The following ZNF729 variants were observed in gnomAD, a reference collection of about 807,000 sequenced individuals.
ZNF729 encodes zinc finger protein 729.
ZNF729 carries 15 observed loss-of-function variants against 12.2 expected under a neutral mutation model. The ratio of observed to expected loss-of-function variants is 1.23; its 90% confidence interval spans 0.82 to 1.89. The LOEUF (loss-of-function observed/expected upper bound fraction) is 1.89. Ranked by LOEUF, ZNF729 falls within the 40% of genes most tolerant of loss-of-function variation. ZNF729 has a pLI of 0.00. For synonymous variants in ZNF729, 492 were observed against 476.3 expected (o/e 1.03, Z -0.43); for missense variants, 1,540 against 1,456.7 (o/e 1.06, Z -0.93).
chr19:22,314,148 C>G lies in ZNF729; in HGVS notation c.731C>G (p.Ala244Gly). The G allele has an allele frequency of 6.4e-7, 1 of 1,560,714 alleles. No homozygotes were observed. Residue 244 changes from alanine to glycine, a missense_variant, in exon 4 of 4, where the codon GCC (alanine) becomes GGC (glycine). Transcript: ENST00000601693. ...TACAAATATAAGAAATGTGGCAATGCCTTTAAATTTTCTTCAACGTTCACT... is the reference window on the plus strand; with the variant it reads ...TACAAATATAAGAAATGTGGCAATGGCTTTAAATTTTCTTCAACGTTCACT... ...KPYKYKKCGNAFKFSSTFTKH... is the reference protein window; with the variant it reads ...KPYKYKKCGNGFKFSSTFTKH...
chr19:22,308,751 T>G (rs1488826806), intron 3 of ZNF729, among the ~76,000 whole-genome samples: 1 of 152,134 alleles, frequency 6.6e-6, no homozygotes, highest in Non-Finnish European at 1.5e-5. Context: ...TTGAGTGCAT[T>G]GTAGATTCCA....
In ZNF729 at chr19:22,316,109, C is replaced by T; in HGVS notation, c.2692C>T (p.His898Tyr). 2 of 1,609,096 alleles carry T rather than the reference C, an allele frequency of 1.2e-6. No individual in the cohort carries two copies. ...AFKWLSKLTV[H>Y]KVIHTAEKPC... Reference sequence around the variant, plus strand: ...TAAGTGGTTGTCAAAACTTACTGTACATAAGGTAATTCATACTGCAGAGAA... The same window carrying T: ...TAAGTGGTTGTCAAAACTTACTGTATATAAGGTAATTCATACTGCAGAGAA... Residue 898 changes from histidine to tyrosine, a missense_variant, in exon 4 of 4, where the codon CAT becomes TAT. Transcript: ENST00000601693.
In ZNF729 at chr19:22,317,047, TAC is replaced by T; in HGVS notation, c.3631_3632del (p.Thr1211GlnfsTer35). On this transcript the variant is annotated frameshift_variant, in exon 4 of 4. Coordinates refer to ENST00000601693, the MANE Select transcript of ZNF729 (RefSeq NM_001242680.2). LOFTEE classifies it high-confidence loss of function. ...SYLIRHKTIHTREKPTNVKKV... is the reference protein window; with the variant it reads ...SYLIRHKTIHXREKPTNVKKV... ...ACCTTATTAGACATAAAACAATTCATACCAGAGAGAAACCTACAAATGTGAAG... is the reference window on the plus strand; with the variant it reads ...ACCTTATTAGACATAAAACAATTCATCAGAGAGAAACCTACAAATGTGAAG... 6.2e-7 allele frequency: 1 copy of T among 1,608,902 alleles called. No individual in the cohort carries two copies. The highest frequency in any genetic ancestry group is 8.5e-7 in the Non-Finnish European group (1 of 1,178,754).
chr19:22,316,623 T>A lies in ZNF729; in HGVS notation c.3206T>A (p.Ile1069Asn). ...WSSKLTEHKV[I>N]HTGEKPCKCE... ...TCAAAACTTACTGAACATAAGGTAA[T>A]TCATACTGGAGAGAAACCCTGCAAA... The change falls in exon 4 of 4, where the codon ATT (isoleucine) becomes AAT (asparagine). Residue 1069 changes from isoleucine to asparagine, a missense_variant. Transcript: ENST00000601693. 1 of 1,612,890 alleles carries A rather than the reference T, an allele frequency of 6.2e-7. No homozygotes were observed. Among genetic ancestry groups the A allele is most frequent in the Non-Finnish European group, 8.5e-7 (1 of 1,179,738 alleles).
chr19:22,304,389 C>T (rs895688401), intron 2 of ZNF729, among the ~76,000 whole-genome samples: 1 of 152,096 alleles, frequency 6.6e-6, no homozygotes, highest in Non-Finnish European at 1.5e-5. Context: ...TTTCACATTT[C>T]TGAGCAGATC....
chr19:22,292,704 G>A (rs865812869), intron 1 of ZNF729, among the ~76,000 whole-genome samples: 1 of 152,200 alleles, frequency 6.6e-6, no homozygotes, highest in East Asian at 1.9e-4. Flanking sequence ...GCCTCCCAGA[G>A]TGCTGGAACT....
chr19:22,305,331 G>A (rs1968365160), intron 3 of ZNF729, among the ~76,000 whole-genome samples: 1 of 151,936 alleles, frequency 6.6e-6, no homozygotes, highest in South Asian at 2.1e-4. Context: ...ATATTTTTCT[G>A]TATGCAAAAT....
Position 22,316,865 on chromosome 19 carries a change from C to T in ZNF729, c.3448C>T (p.His1150Tyr), listed in dbSNP as rs557654365. 6 of 1,612,822 alleles carry T rather than the reference C, an allele frequency of 3.7e-6. No individual in the cohort carries two copies. Among genetic ancestry groups the T allele is most frequent in the African/African-American group, 1.3e-5 (1 of 74,992 alleles). ...AFSQSSILTK[H>Y]KIIHSVEKPY... is the part of the protein sequence containing the mutation. The stretch of plus-strand genomic sequence containing the variant: ...TAGTCAGTCCTCAATCCTTACTAAA[C>T]ATAAGATAATTCATTCTGTAGAGAA... Residue 1150 changes from histidine (H) to tyrosine (Y), a missense_variant, in exon 4 of 4, where the codon CAT (histidine) becomes TAT (tyrosine). Transcript: ENST00000601693.
At chr19:22,291,439 T>C (rs567300397) in intron 1 of ZNF729, among the ~76,000 whole-genome samples, 21 of 148,926 alleles carry the variant, frequency 1.4e-4, no homozygotes, top group Admixed American at 4.7e-4. Context: ...TAGGAATAGG[T>C]ACCACCCCCA....
At chr19:22,310,530 C>A (rs1229774263) in intron 3 of ZNF729, among the ~76,000 whole-genome samples, 2 of 151,976 alleles carry the variant, frequency 1.3e-5, no homozygotes, top group African/African-American at 2.4e-5. Flanking sequence ...TTAAACCATC[C>A]CTGCATCACT....
At chr19:22,307,800 G>GTTTTTTTTTTTTTTTTTTTT in intron 3 of ZNF729, among the ~76,000 whole-genome samples, 1 of 53,336 alleles carries the variant, frequency 1.9e-5, no homozygotes, top group Non-Finnish European at 3.7e-5. Flanking sequence ...AAAGCTCTGT[G>GTTTTTTTTTTTTTTTTTTTT]TTTTTTTTTT....
intron 1 of ZNF729, among the ~76,000 whole-genome samples, chr19:22,292,158 C>T (rs570316476): frequency 6.6e-6 from 1 of 152,178 alleles, no homozygotes; most frequent in Non-Finnish European, 1.5e-5. Flanking sequence ...AAGCACAGCA[C>T]CACACAGGTA....
At chr19:22,295,549 C>A (rs1373862459) in intron 1 of ZNF729, among the ~76,000 whole-genome samples, 1 of 152,052 alleles carries the variant, frequency 6.6e-6, no homozygotes, top group African/African-American at 2.4e-5. Context: ...TACAGGCGCG[C>A]ACCACTACGC....
chr19:22,314,394 G>T lies in ZNF729; in HGVS notation c.977G>T (p.Gly326Val), dbSNP rs189619444. ...AEKPYKCEDCGKTFNHFSALR... is the reference protein window; with the variant it reads ...AEKPYKCEDCVKTFNHFSALR... ...AAACCCTACAAATGTGAAGATTGTG[G>T]CAAAACTTTTAACCATTTCTCAGCC... Residue 326 changes from glycine (G) to valine (V), a missense_variant, in exon 4 of 4, where the codon GGC becomes GTC. Transcript: ENST00000601693. The T allele has an allele frequency of 2.5e-4, 398 of 1,591,648 alleles. 3 individuals are homozygous for T. The African/African-American group carries it at 4.8e-3, about 19-fold the overall frequency.
chr19:22,287,167 A>G (rs1968089273), intron 1 of ZNF729, among the ~76,000 whole-genome samples: 1 of 152,002 alleles, frequency 6.6e-6, no homozygotes, highest in African/African-American at 2.4e-5. Context: ...TTTCCCGTTT[A>G]TATAATCAGA....
intron 1 of ZNF729, among the ~76,000 whole-genome samples, chr19:22,293,606 C>T (rs1968185917): frequency 1.3e-5 from 2 of 148,360 alleles, no homozygotes. Flanking sequence ...GATTCTCCTG[C>T]CTCAGCCTCC....
chr19:22,309,221 T>C (rs1968421049), intron 3 of ZNF729, among the ~76,000 whole-genome samples: 1 of 151,940 alleles, frequency 6.6e-6, no homozygotes, highest in Non-Finnish European at 1.5e-5. Context: ...CTGACATAGG[T>C]GGATCACGAG....
At position 22,314,568 on chromosome 19, in the gene ZNF729, C is replaced by T; in HGVS notation, c.1151C>T (p.Ala384Val). The change falls in exon 4 of 4, where the codon GCT (alanine) becomes GTT (valine). Residue 384 changes from alanine (A) to valine (V), a missense_variant. Transcript: ENST00000601693. The stretch of plus-strand genomic sequence containing the variant: ...TACAAATGTGAAGAATGTGGTAAAG[C>T]TTTTAAGTGGTCTTCAAAACTTACT... Reference protein sequence around the residue: ...KPYKCEECGKAFKWSSKLTVH... With the variant: ...KPYKCEECGKVFKWSSKLTVH... 6.2e-7 allele frequency: 1 copy of T among 1,611,394 alleles called. No homozygotes were observed. Among genetic ancestry groups the T allele is most frequent in the Non-Finnish European group, 8.5e-7 (1 of 1,179,808 alleles).
Position 22,288,236 on chromosome 19 carries a change from T to C in ZNF729, c.30+1681T>C, listed in dbSNP as rs113278187. Among the ~76,000 whole-genome samples, 572 of 152,278 alleles carry C rather than the reference T, an allele frequency of 3.8e-3. 3 individuals carry two copies. Among genetic ancestry groups the C allele is most frequent in the Non-Finnish European group, 5.9e-3 (400 of 68,018 alleles). On this transcript the variant is annotated intron_variant, in intron 1 of 3. Coordinates refer to ENST00000601693, the MANE Select transcript of ZNF729 (RefSeq NM_001242680.2). ...GGCACTTTTCCTAATATTTGTTTTC[T>C]GTTTGTAAATATTTCCTATGAGAAG... is the stretch of plus-strand genomic sequence containing the variant.
Sources: gnomAD v4.1 joint callset for allele counts (sites outside exome capture counted in the v4.1 genomes callset) on GRCh38, gnomAD v4.1.1 for gene constraint, MANE v1.5 for transcripts, NCBI Gene and HGNC (gene_info 2026-07-23, HGNC 2026-07-21) for gene names.